EYS: variants seen among roughly 807,000 people sequenced by gnomAD.
EYS encodes protein eyes shut homolog.
In EYS, 250 loss-of-function variants were observed where a neutral mutation model predicts 282.1. The observed-to-expected ratio is 0.89, with a 90% CI of 0.80 to 0.98. The LOEUF is 0.98. Ranked by LOEUF, EYS falls within the 50% of genes least tolerant of loss-of-function variation. The pLI, the probability that EYS is intolerant of heterozygous loss-of-function variation, is 0.00. For synonymous variants in EYS, 1,355 were observed against 1,282.9 expected (o/e 1.06, Z -1.20); for missense variants, 4,016 against 3,709.0 (o/e 1.08, Z -2.15).
At chr6:64,604,073 T>C (rs1766848844) in intron 24 of EYS, among the ~76,000 whole-genome samples, 1 of 152,006 alleles carries the variant, frequency 6.6e-6, no homozygotes, top group South Asian at 2.1e-4. Flanking sequence ...ACATGTTCCA[T>C]CAAATTTATG....
chr6:63,721,437 G>C lies in EYS; in HGVS notation c.8594C>G (p.Ala2865Gly), dbSNP rs1441665540. 6.4e-7 allele frequency: 1 copy of C among 1,551,528 alleles called. No homozygotes were observed. The highest frequency in any genetic ancestry group is 2.0e-5 in the Admixed American group (1 of 50,978). Residue 2865 changes from alanine to glycine, a missense_variant, in exon 43 of 43, where the codon GCA (alanine) becomes GGA (glycine). Ala to Gly is a moderately conservative substitution (Grantham distance 60). Transcript: ENST00000503581. ...GTCACCTACATTTGAGCCACCTTTT[G>C]CTCCAAATTCAGTTAATTGTAATTC... is the stretch of plus-strand genomic sequence containing the variant. ...NQELQLTEFG[A>G]KGGSNVGDCD... is the part of the protein sequence containing the mutation.
At chr6:65,375,356 C>A (rs191050628) in intron 8 of EYS, among the ~76,000 whole-genome samples, 2 of 151,978 alleles carry the variant, frequency 1.3e-5, no homozygotes, top group Non-Finnish European at 2.9e-5. Context: ...TAAAAAGGAT[C>A]CCCACACACA....
intron 14 of EYS, among the ~76,000 whole-genome samples, chr6:64,974,326 T>A (rs896704759): frequency 6.6e-6 from 1 of 151,894 alleles, no homozygotes; most frequent in African/African-American, 2.4e-5. Context: ...AGCCTTCTCA[T>A]GTAAAATCCA....
intron 29 of EYS, among the ~76,000 whole-genome samples, chr6:64,375,840 C>A (rs1445169147): frequency 6.6e-6 from 1 of 152,266 alleles, no homozygotes; most frequent in East Asian, 1.9e-4. Context: ...GTATAAGGCT[C>A]TATAATACAC....
intron 31 of EYS, among the ~76,000 whole-genome samples, chr6:64,179,545 A>G (rs1764733344): frequency 6.6e-6 from 1 of 152,130 alleles, no homozygotes; most frequent in Non-Finnish European, 1.5e-5. Flanking sequence ...AAGCACAGTA[A>G]GAGGCCTGGC....
chr6:64,381,019 A>G (rs1405300850), intron 29 of EYS, among the ~76,000 whole-genome samples: 1 of 118,348 alleles, frequency 8.4e-6, no homozygotes, highest in African/African-American at 4.0e-5. Flanking sequence ...TCCATCTCAG[A>G]AAAAAAAAAA....
At chr6:64,837,669 T>G (rs984269823) in intron 19 of EYS, among the ~76,000 whole-genome samples, 2 of 95,488 alleles carry the variant, frequency 2.1e-5, no homozygotes, top group African/African-American at 6.8e-5. Flanking sequence ...ATGTATATGA[T>G]ATATATATAT....
chr6:65,381,572 C>T (rs1378848230), intron 8 of EYS, among the ~76,000 whole-genome samples: 4 of 151,920 alleles, frequency 2.6e-5, no homozygotes, highest in Non-Finnish European at 5.9e-5. Context: ...CACCATAGTA[C>T]ATGTATACCA....
chr6:64,756,976 C>T (rs1250189717), intron 22 of EYS, among the ~76,000 whole-genome samples: 1 of 151,046 alleles, frequency 6.6e-6, no homozygotes, highest in Admixed American at 6.6e-5. Context: ...GCCTTAGGCT[C>T]ATTTATATCC....
chr6:64,502,467 C>T (rs1029067475), intron 26 of EYS, among the ~76,000 whole-genome samples: 27 of 152,190 alleles, frequency 1.8e-4, no homozygotes, highest in African/African-American at 6.3e-4. Context: ...GTGATCCGCC[C>T]GCCTCGGCCT....
chr6:65,038,011 A>G (rs1772821853), intron 13 of EYS, among the ~76,000 whole-genome samples: 1 of 151,626 alleles, frequency 6.6e-6, no homozygotes, highest in Non-Finnish European at 1.5e-5. Context: ...AATTTCAACA[A>G]TATCTACAAA....
At chr6:65,509,213 C>T (rs1255256362) in intron 2 of EYS, among the ~76,000 whole-genome samples, 3 of 152,158 alleles carry the variant, frequency 2.0e-5, no homozygotes, top group African/African-American at 7.2e-5. Flanking sequence ...TACAGACTGA[C>T]AGCTCATAAC....
chr6:64,021,595 A>C (rs1745968396), intron 33 of EYS, among the ~76,000 whole-genome samples: 1 of 152,232 alleles, frequency 6.6e-6, no homozygotes, highest in Non-Finnish European at 1.5e-5. Context: ...TAGGAGGAAC[A>C]ATGGGACATG....
intron 35 of EYS, among the ~76,000 whole-genome samples, chr6:63,944,430 T>A (rs1012174074): frequency 3.3e-5 from 5 of 152,236 alleles, no homozygotes; most frequent in Non-Finnish European, 5.9e-5. Context: ...TTGCATTTCT[T>A]TAAATTTCTA....
intron 12 of EYS, among the ~76,000 whole-genome samples, chr6:65,264,999 T>C (rs1437890404): frequency 6.6e-6 from 1 of 152,010 alleles, no homozygotes; most frequent in East Asian, 1.9e-4. Flanking sequence ...TTTTACCCTC[T>C]AGAAAAGTTC....
intron 26 of EYS, among the ~76,000 whole-genome samples, chr6:64,447,478 T>C (rs1426365505): frequency 1.3e-5 from 2 of 151,910 alleles, no homozygotes; most frequent in Non-Finnish European, 2.9e-5. Context: ...TTCCTGGCAA[T>C]GTAAAGATTT....
At chr6:65,500,102 G>A (rs769442075) in intron 2 of EYS, among the ~76,000 whole-genome samples, 4 of 152,028 alleles carry the variant, frequency 2.6e-5, no homozygotes, top group Non-Finnish European at 5.9e-5. Context: ...AGTGGTGCAT[G>A]TATTGACCTG....
At chr6:65,546,905 C>T (rs976296586) in intron 2 of EYS, among the ~76,000 whole-genome samples, 2 of 152,108 alleles carry the variant, frequency 1.3e-5, no homozygotes, top group African/African-American at 4.8e-5. Context: ...AAAGTATCTT[C>T]ATGGCTAGGA....
chr6:64,281,867 G>A (rs1768321567), intron 30 of EYS, among the ~76,000 whole-genome samples: 1 of 152,116 alleles, frequency 6.6e-6, no homozygotes, highest in South Asian at 2.1e-4. Context: ...AAAGTAAGAA[G>A]ATTGGAGGGT....
Sources: allele counts gnomAD v4.1 joint callset (sites outside exome capture counted in the v4.1 genomes callset), GRCh38; gene constraint gnomAD v4.1.1; transcripts MANE v1.5; gene names NCBI Gene and HGNC (gene_info 2026-07-23, HGNC 2026-07-21).